Variants in SIPA1L3 observed in about 807,000 individuals in gnomAD.
SIPA1L3 encodes signal induced proliferation associated 1 like 3.
In SIPA1L3, 59 loss-of-function variants were observed where a neutral mutation model predicts 150.1. The ratio of observed to expected loss-of-function variants is 0.39; its 90% CI spans 0.32 to 0.49. The LOEUF is 0.49. Among genes scored for constraint, SIPA1L3 ranks in the 20% least tolerant of loss-of-function variants. SIPA1L3 has a pLI of 0.86. For synonymous variants in SIPA1L3, 1,070 were observed against 1,077.6 expected (o/e 0.99, Z 0.14); for missense variants, 2,211 against 2,489.5 (o/e 0.89, Z 2.38).
At chr19:37,972,978 G>A (rs564648429) in intron 1 of SIPA1L3, among the ~76,000 whole-genome samples, 9 of 152,118 alleles carry the variant, frequency 5.9e-5, no homozygotes, top group African/African-American at 2.2e-4. Flanking sequence ...GTTACATGGC[G>A]ACAGCTAGCT....
rs532258148 is a variant in SIPA1L3 at position 38,024,009 on chromosome 19, T to TGGGGAG, written c.-378-5069_-378-5064dup. On this transcript the variant is annotated intron_variant, in intron 1 of 21. Transcript: ENST00000222345. ...GTTAGATTGGCCAGCCCTTCTTCCT[T>TGGGGAG]GGGGAGGGGGAGGGGGGTGGACGAG... Among the ~76,000 whole-genome samples, 142 of 150,914 alleles carry TGGGGAG rather than the reference T, an allele frequency of 9.4e-4. 1 individual carries two copies. The highest frequency in any genetic ancestry group is 1.7e-3 in the South Asian group (8 of 4,730).
At chr19:38,115,284 GGAAGA>G (rs1178306882) in intron 8 of SIPA1L3, among the ~76,000 whole-genome samples, 1 of 152,180 alleles carries the variant, frequency 6.6e-6, no homozygotes, top group East Asian at 1.9e-4. Flanking sequence ...ACAGTGGAAG[GGAAGA>G]GAAATAAATA....
At chr19:38,085,271 G>C (rs1026983040) in intron 3 of SIPA1L3, among the ~76,000 whole-genome samples, 5 of 151,790 alleles carry the variant, frequency 3.3e-5, no homozygotes, top group Non-Finnish European at 5.9e-5. Flanking sequence ...ACAAGGTCAG[G>C]AGATTGAGAC....
chr19:37,947,286 G>C (rs1454617494), intron 1 of SIPA1L3, among the ~76,000 whole-genome samples: 1 of 151,632 alleles, frequency 6.6e-6, no homozygotes, highest in Non-Finnish European at 1.5e-5. Flanking sequence ...TCAGGAGATC[G>C]AGACCATCCT....
chr19:38,196,800 A>G (rs1972963285), intron 18 of SIPA1L3, among the ~76,000 whole-genome samples: 1 of 152,114 alleles, frequency 6.6e-6, no homozygotes, highest in Non-Finnish European at 1.5e-5. Context: ...GGGACGAGCC[A>G]GGAGGCCAAG....
At chr19:38,184,218 G>C (rs1972626686) in intron 16 of SIPA1L3, among the ~76,000 whole-genome samples, 1 of 149,878 alleles carries the variant, frequency 6.7e-6, no homozygotes, top group Non-Finnish European at 1.5e-5. Context: ...CATTCTTGTT[G>C]CCCAGGCTGG....
At position 37,999,795 on chromosome 19, in the gene SIPA1L3, A is replaced by G. The variant is rs916742718; in HGVS notation, c.-378-29294A>G. Among the ~76,000 whole-genome samples, 14 of 152,292 alleles carry G rather than the reference A, an allele frequency of 9.2e-5. No homozygotes were observed. The East Asian group carries it at 2.1e-3, about 23-fold the overall frequency. ...AAACAGGATGAGTCTGGAGAGGAGT[A>G]TGAAAAATCATGACAAACCTGGCGA... is the stretch of plus-strand genomic sequence containing the variant. On this transcript the variant is annotated intron_variant, in intron 1 of 21. Coordinates refer to ENST00000222345, the MANE Select transcript of SIPA1L3 (RefSeq NM_015073.3).
At chr19:37,991,124 T>A (rs1057146224) in intron 1 of SIPA1L3, among the ~76,000 whole-genome samples, 5 of 151,952 alleles carry the variant, frequency 3.3e-5, no homozygotes, top group Non-Finnish European at 7.4e-5. Flanking sequence ...CCCAGCTACT[T>A]GGGAGGCTGA....
intron 1 of SIPA1L3, among the ~76,000 whole-genome samples, chr19:37,988,370 TA>T: frequency 6.6e-6 from 1 of 151,984 alleles, no homozygotes; most frequent in South Asian, 2.1e-4. Context: ...TTATAATTTT[TA>T]AAAAATTATT....
intron 9 of SIPA1L3, 138 bp from the exon 10 acceptor site, chr19:38,130,360 C>T: frequency 1.2e-6 from 1 of 859,064 alleles, no homozygotes; most frequent in Non-Finnish European, 1.8e-6. Flanking sequence ...CCTGCGGGTC[C>T]CCTGCCATCA....
intron 1 of SIPA1L3, among the ~76,000 whole-genome samples, chr19:38,019,774 A>G (rs990393392): frequency 5.3e-5 from 8 of 152,110 alleles, no homozygotes; most frequent in Non-Finnish European, 1.0e-4. Context: ...GAAACCTACC[A>G]TATCACCAGC....
intron 15 of SIPA1L3, among the ~76,000 whole-genome samples, chr19:38,169,098 A>AG (rs1972270069): frequency 6.6e-6 from 1 of 152,214 alleles, no homozygotes; most frequent in Non-Finnish European, 1.5e-5. Context: ...ATTTAAAAAA[A>AG]CATATCCAGG....
chr19:38,092,767 T>G (rs1397202693), intron 4 of SIPA1L3, among the ~76,000 whole-genome samples: 1 of 151,888 alleles, frequency 6.6e-6, no homozygotes, highest in African/African-American at 2.4e-5. Flanking sequence ...GCAGAACACC[T>G]TAGCAAATTA....
At chr19:38,178,085 T>C (rs1568594636) in intron 15 of SIPA1L3, among the ~76,000 whole-genome samples, 2 of 100,706 alleles carry the variant, frequency 2.0e-5, no homozygotes, top group Non-Finnish European at 4.0e-5. Context: ...TGCAGGCTTT[T>C]GGTGTGTGTG....
chr19:38,144,372 A>G (rs1397064595), intron 12 of SIPA1L3, among the ~76,000 whole-genome samples: 2 of 152,242 alleles, frequency 1.3e-5, no homozygotes, highest in Admixed American at 1.3e-4. Flanking sequence ...GGATGAAAGG[A>G]TGGAGTGAGT....
intron 1 of SIPA1L3, among the ~76,000 whole-genome samples, chr19:37,979,621 T>C (rs771475246): frequency 6.6e-6 from 1 of 151,856 alleles, no homozygotes; most frequent in South Asian, 2.1e-4. Flanking sequence ...GGCCCGCCCA[T>C]TTGGTTGTGT....
At chr19:38,092,877 C>G (rs573704155) in intron 4 of SIPA1L3, among the ~76,000 whole-genome samples, 1 of 139,708 alleles carries the variant, frequency 7.2e-6, no homozygotes, top group African/African-American at 2.7e-5. Flanking sequence ...TTTTTTTTCC[C>G]GAGACGGAGT....
chr19:38,192,900 G>C (rs1972835497), intron 17 of SIPA1L3, among the ~76,000 whole-genome samples: 1 of 152,160 alleles, frequency 6.6e-6, no homozygotes, highest in Non-Finnish European at 1.5e-5. Flanking sequence ...CTACCCACTG[G>C]GGTCCCAGCA....
At chr19:38,135,654 GTTC>G (rs1385889743) in intron 10 of SIPA1L3, among the ~76,000 whole-genome samples, 2 of 152,182 alleles carry the variant, frequency 1.3e-5, no homozygotes, top group East Asian at 1.9e-4. Flanking sequence ...AGACAGAGGA[GTTC>G]TTCTCCCTGC....
Sources: allele counts gnomAD v4.1 joint callset (sites outside exome capture counted in the v4.1 genomes callset), GRCh38; gene constraint gnomAD v4.1.1; transcripts MANE v1.5; gene names NCBI Gene and HGNC (gene_info 2026-07-23, HGNC 2026-07-21).